SPRED2: variants seen among roughly 807,000 people sequenced by gnomAD.
SPRED2 encodes sprouty-related, EVH1 domain-containing protein 2.
Under a neutral mutation model 43.0 loss-of-function variants are expected in SPRED2, and 47 were observed. The ratio of observed to expected loss-of-function variants is 1.09; its 90% CI spans 0.87 to 1.40. SPRED2 has a LOEUF of 1.40. SPRED2 is among the 40% of genes most tolerant of loss of function. The pLI is 0.00. For synonymous variants in SPRED2, 225 were observed against 225.7 expected, an observed-to-expected ratio of 1.00 and a Z score of 0.03; for missense variants, 561 against 586.4, an observed-to-expected ratio of 0.96 and a Z score of 0.45.
chr2:65,308,528 C>A, downstream of SPRED2: 2 of 985,394 alleles, frequency 2.0e-6, no homozygotes, highest in Non-Finnish European at 2.4e-6. Context: ...GCCTTCTGTG[C>A]CTTGAAAGAG....
intron 1 of SPRED2, among the ~76,000 whole-genome samples, chr2:65,357,211 C>A (rs1270862433): frequency 6.6e-6 from 1 of 152,166 alleles, no homozygotes; most frequent in Non-Finnish European, 1.5e-5. Flanking sequence ...GATTCTGCCA[C>A]CTCCCTCATT....
chr2:65,339,105 G>GT lies in SPRED2; in HGVS notation c.205-4333_205-4332insA, dbSNP rs1461406474. Among the ~76,000 whole-genome samples, 4 of 105,444 alleles carry GT rather than the reference G, an allele frequency of 3.8e-5. 1 individual carries two copies. The highest frequency in any genetic ancestry group is 8.3e-5 in the Non-Finnish European group (4 of 48,010). The allele number at this position is 105,444 out of a possible 152,430, so 69.2% of individuals were successfully genotyped here. A position where few individuals can be genotyped will look rare whatever the true frequency, so the allele number is the denominator to read the frequency against. ...CCGTCCGGGAGGGAGGTTGGGCGGG[G>GT]GGTCAGCGCCCCCTCCCGGCCAGCC... is the stretch of plus-strand genomic sequence containing the variant. On this transcript the variant is annotated intron_variant, in intron 2 of 5. Coordinates refer to ENST00000356388, the MANE Select transcript of SPRED2 (RefSeq NM_181784.3).
downstream of SPRED2, among the ~76,000 whole-genome samples, chr2:65,309,994 C>T (rs1250474560): frequency 6.6e-6 from 1 of 152,164 alleles, no homozygotes; most frequent in Non-Finnish European, 1.5e-5. Context: ...CTGTTACTCA[C>T]CCTTTCTAAG....
rs547820700 is a variant in SPRED2 at position 65,418,935 on chromosome 2, T to A, written c.26+13027A>T. 2.1e-3 allele frequency among the ~76,000 whole-genome samples: 316 copies of A among 152,274 alleles called. 1 individual carries two copies. Among genetic ancestry groups the A allele is most frequent in the African/African-American group, 7.2e-3 (299 of 41,552 alleles). On this transcript the variant is annotated intron_variant, in intron 1 of 5. Transcript: ENST00000356388. The stretch of plus-strand genomic sequence containing the variant: ...AGAATAAAAGTCTTTTTTTAAAAAA[T>A]ATAAATTCTGCTTGCAATATTTAGA...
chr2:65,308,620 A>C (rs1672989261), downstream of SPRED2: 1 of 952,426 alleles, frequency 1.0e-6, no homozygotes, highest in Admixed American at 6.2e-5. Context: ...TTTTTGGGGC[A>C]CCTGCTGCGT....
intron 1 of SPRED2, among the ~76,000 whole-genome samples, chr2:65,361,905 A>C (rs571906111): frequency 6.6e-6 from 1 of 152,186 alleles, no homozygotes. Flanking sequence ...GCAGAGCCCC[A>C]CAGGGCCAGG....
intron 2 of SPRED2, among the ~76,000 whole-genome samples, chr2:65,343,149 G>A (rs763668680): frequency 1.1e-4 from 16 of 152,200 alleles, no homozygotes; most frequent in East Asian, 5.8e-4. Flanking sequence ...AGATCTAACC[G>A]AAGGGCTGGA....
At chr2:65,391,713 A>T (rs1675639307) in intron 1 of SPRED2, among the ~76,000 whole-genome samples, 1 of 151,728 alleles carries the variant, frequency 6.6e-6, no homozygotes, top group Non-Finnish European at 1.5e-5. Context: ...AAGAGGATGA[A>T]TTTTTTTTTA....
At chr2:65,405,984 C>G (rs566159778) in intron 1 of SPRED2, among the ~76,000 whole-genome samples, 6 of 152,306 alleles carry the variant, frequency 3.9e-5, no homozygotes, top group Admixed American at 3.3e-4. Flanking sequence ...CTTCCTGGCA[C>G]TCATTTGGAG....
intron 5 of SPRED2, among the ~76,000 whole-genome samples, chr2:65,315,963 T>A (rs1015522253): frequency 1.3e-5 from 2 of 152,364 alleles, no homozygotes; most frequent in African/African-American, 2.4e-5. Flanking sequence ...TGGCCAATAA[T>A]GTGATTTTTA....
At chr2:65,322,626 C>G (rs1332959393) in intron 4 of SPRED2, among the ~76,000 whole-genome samples, 1 of 152,060 alleles carries the variant, frequency 6.6e-6, no homozygotes, top group African/African-American at 2.4e-5. Flanking sequence ...TTCTTCTTAC[C>G]TCATTGCATC....
chr2:65,313,417 A>G lies in SPRED2; in HGVS notation c.*84T>C. On this transcript the variant is annotated 3_prime_UTR_variant, in exon 6 of 6. Coordinates refer to ENST00000356388, the MANE Select transcript of SPRED2 (RefSeq NM_181784.3). ...TTGCCCTCCTCGCTCCTTGGAGTGG[A>G]AGGGAGCGGGGGAGAAGATGAGAGT... 6.6e-7 allele frequency: 1 copy of G among 1,514,790 alleles called. No homozygotes were observed. Among genetic ancestry groups the G allele is most frequent in the Non-Finnish European group, 8.8e-7 (1 of 1,136,814 alleles). 93.8% of individuals were successfully genotyped at this position (1,514,790 alleles called of 1,614,324 possible).
chr2:65,390,785 T>C (rs923222776), intron 1 of SPRED2, among the ~76,000 whole-genome samples: 1 of 152,110 alleles, frequency 6.6e-6, no homozygotes, highest in African/African-American at 2.4e-5. Context: ...AATTTTATCA[T>C]CAGAAAATCT....
chr2:65,314,236 C>G, intron 5 of SPRED2, 67 bp from the exon 6 acceptor site: 1 of 1,430,200 alleles, frequency 7.0e-7, no homozygotes, highest in South Asian at 1.4e-5. Flanking sequence ...AAAAAAACAC[C>G]CCACCTTCTC....
intron 1 of SPRED2, among the ~76,000 whole-genome samples, chr2:65,368,323 C>T (rs1160314826): frequency 6.6e-6 from 1 of 152,342 alleles, no homozygotes; most frequent in South Asian, 2.1e-4. Flanking sequence ...TGGGCCTCAA[C>T]TGAAGACTTC....
intron 1 of SPRED2, among the ~76,000 whole-genome samples, chr2:65,400,346 G>A (rs1441729445): frequency 6.6e-6 from 1 of 151,988 alleles, no homozygotes; most frequent in African/African-American, 2.4e-5. Flanking sequence ...GTTTACTTTT[G>A]CTTAGTTTTC....
chr2:65,334,902 T>C (rs1673919206), intron 2 of SPRED2, 129 bp from the exon 3 acceptor site: 3 of 851,624 alleles, frequency 3.5e-6, no homozygotes, highest in Admixed American at 2.4e-5. Flanking sequence ...CCTTCACATA[T>C]CTGTGAGTCT....
At chr2:65,396,732 C>A (rs974794121) in intron 1 of SPRED2, among the ~76,000 whole-genome samples, 1 of 152,200 alleles carries the variant, frequency 6.6e-6, no homozygotes, top group Non-Finnish European at 1.5e-5. Context: ...TCCCCTGTCT[C>A]CTCCAAGTGA....
Position 65,334,748 on chromosome 2 carries a change from T to C in SPRED2, c.230A>G (p.Lys77Arg), listed in dbSNP as rs751469062. The change falls in exon 3 of 6, where the codon AAG becomes AGG. Residue 77 changes from lysine (K) to arginine (R), a missense_variant. By Grantham distance (26) the Lys-to-Arg change is conservative. This residue lies in a region of SPRED2 where 305 missense variants were observed against 282.4 expected (regional missense o/e 1.08). Coordinates refer to ENST00000356388, the MANE Select transcript of SPRED2 (RefSeq NM_181784.3). ...ATTGGCTTTGGTGTAGACCAAGTCC[T>C]TTCTTACATAGCATTCCAATACCAC... The part of the protein sequence containing the change: ...KLVVLECYVR[K>R]DLVYTKANPT... 11 of 1,614,218 alleles carry C rather than the reference T, an allele frequency of 6.8e-6. No homozygotes were observed. The highest frequency in any genetic ancestry group is 9.3e-6 in the Non-Finnish European group (11 of 1,180,042).
Sources: allele counts gnomAD v4.1 joint callset (sites outside exome capture counted in the v4.1 genomes callset), GRCh38; gene constraint gnomAD v4.1.1; regional missense constraint gnomAD v4.1.1; transcripts MANE v1.5; gene names NCBI Gene and HGNC (gene_info 2026-07-23, HGNC 2026-07-21).